TACC2: variants seen among roughly 807,000 people sequenced by gnomAD.
The protein encoded by TACC2 is transforming acidic coiled-coil containing protein 2.
Under a neutral mutation model 227.3 loss-of-function variants are expected in TACC2, and 137 were observed. That is an observed-to-expected ratio of 0.60 (90% CI 0.52 to 0.69). The LOEUF (loss-of-function observed/expected upper bound fraction) is 0.69, where lower values mean the gene tolerates loss of function less well. Ranked by LOEUF, TACC2 falls within the 30% of genes least tolerant of loss-of-function variation. The pLI is 0.00. For synonymous variants in TACC2, 1,523 were observed against 1,487.5 expected (o/e 1.02, Z -0.55); for missense variants, 3,470 against 3,694.4 (o/e 0.94, Z 1.57).
chr10:122,020,424 C>G (rs752546829), intron 1 of TACC2, among the ~76,000 whole-genome samples: 6 of 151,950 alleles, frequency 3.9e-5, no homozygotes, highest in Non-Finnish European at 7.4e-5. Context: ...GCTGTGGTGA[C>G]GTCACTCAGT....
In TACC2 at chr10:122,241,748, C is replaced by T. The variant is rs866573044; in HGVS notation, c.8349-210C>T. On this transcript the variant is annotated intron_variant, in intron 18 of 22. Transcript: ENST00000369005. ...TGGTTTGATTTTTTTTCTTAGTGGG[C>T]AGTGAGGGATGTTGAAGGCTTTGCA... 21 of 593,504 alleles carry T rather than the reference C, an allele frequency of 3.5e-5. No homozygotes were observed. In the Middle Eastern group the frequency reaches 4.4e-3, roughly 125 times the overall value. The allele number at this position is 593,504 out of a possible 1,614,324, so 36.8% of individuals were successfully genotyped here.
At chr10:122,108,541 G>A (rs1490855743) in intron 5 of TACC2, among the ~76,000 whole-genome samples, 1 of 148,698 alleles carries the variant, frequency 6.7e-6, no homozygotes, top group East Asian at 2.0e-4. Flanking sequence ...TGCCTCCCAG[G>A]TTCAAGTGAT....
intron 5 of TACC2, among the ~76,000 whole-genome samples, chr10:122,091,457 A>G (rs1231748783): frequency 6.6e-6 from 1 of 152,172 alleles, no homozygotes; most frequent in Non-Finnish European, 1.5e-5. Flanking sequence ...TTCTATTTGG[A>G]TCACTTGCCC....
At position 122,233,616 on chromosome 10, in the gene TACC2, C is replaced by T. The variant is rs1309915057; in HGVS notation, c.8127+3176C>T. On this transcript the variant is annotated intron_variant, in intron 16 of 22. Coordinates refer to ENST00000369005, the MANE Select transcript of TACC2 (RefSeq NM_206862.4). ...TGTTTCCCTCTCCATTGCTGTGTCA[C>T]AGACTACCCCCACCCATACACACAC... 4.6e-5 allele frequency among the ~76,000 whole-genome samples: 7 copies of T among 152,178 alleles called. No individual in the cohort carries two copies. The East Asian group carries it at 1.3e-3, about 29-fold the overall frequency.
At chr10:122,251,587 C>T (rs1251587978) in intron 22 of TACC2, among the ~76,000 whole-genome samples, 2 of 152,152 alleles carry the variant, frequency 1.3e-5, no homozygotes, top group Non-Finnish European at 2.9e-5. Context: ...GTGGTCCCAG[C>T]TATTCGGGAG....
intron 6 of TACC2, among the ~76,000 whole-genome samples, chr10:122,135,532 A>T (rs1317283681): frequency 6.6e-6 from 1 of 152,196 alleles, no homozygotes; most frequent in Non-Finnish European, 1.5e-5. Flanking sequence ...GGTGTTACTG[A>T]ACATTTATCC....
intron 3 of TACC2, among the ~76,000 whole-genome samples, chr10:122,080,310 G>T (rs1041469778): frequency 2.0e-5 from 3 of 148,814 alleles, no homozygotes; most frequent in Admixed American, 6.8e-5. Context: ...TCAGCTCACT[G>T]CAGCCTCAAC....
intron 11 of TACC2, among the ~76,000 whole-genome samples, chr10:122,218,014 G>A (rs551748873): frequency 2.0e-5 from 3 of 151,954 alleles, no homozygotes; most frequent in South Asian, 4.2e-4. Context: ...ATGTGATCTC[G>A]GCTCACTGCA....
intron 3 of TACC2, among the ~76,000 whole-genome samples, chr10:122,052,906 C>T (rs2075860379): frequency 2.0e-5 from 3 of 152,310 alleles, no homozygotes; most frequent in East Asian, 3.9e-4. Context: ...CTCCTGTGTG[C>T]GGTTTCAGTG....
rs1250192833 is a variant in TACC2, at chr10:122,005,382, C to CTTTTTT, written c.-46+15905_-46+15910dup. On this transcript the variant is annotated intron_variant, in intron 1 of 22. Coordinates refer to ENST00000369005, the MANE Select transcript of TACC2 (RefSeq NM_206862.4). The stretch of plus-strand genomic sequence containing the variant: ...TACAGGTGTGAGCCACCACGCCCAG[C>CTTTTTT]TTTTTTTTTTTTTTTTGAGACAGAG... Among the ~76,000 whole-genome samples, 5 of 119,208 alleles carry CTTTTTT rather than the reference C, an allele frequency of 4.2e-5. 1 individual carries two copies. The highest frequency in any genetic ancestry group is 8.8e-5 in the Admixed American group (1 of 11,360). 78.2% of individuals were successfully genotyped at this position (119,208 alleles called of 152,430 possible). A position where few individuals can be genotyped will look rare whatever the true frequency, so the allele number is the denominator to read the frequency against.
intron 5 of TACC2, among the ~76,000 whole-genome samples, chr10:122,108,568 C>T (rs1205238829): frequency 1.3e-5 from 2 of 149,824 alleles, no homozygotes; most frequent in Non-Finnish European, 3.0e-5. Context: ...ACCTCAGCCT[C>T]CTGAGTAGCT....
chr10:122,237,858 C>A, intron 17 of TACC2, 103 bp from the exon 18 acceptor site: 1 of 872,274 alleles, frequency 1.1e-6, no homozygotes, highest in Non-Finnish European at 1.8e-6. Flanking sequence ...AGGAAGTTTT[C>A]ATTCCACATT....
At chr10:122,187,099 C>T (rs192808973) in intron 7 of TACC2, among the ~76,000 whole-genome samples, 41 of 152,240 alleles carry the variant, frequency 2.7e-4, no homozygotes, top group Admixed American at 1.5e-3. Flanking sequence ...TTCTCTTTTG[C>T]GAGGAACCTG....
chr10:122,152,486 T>C (rs1352271312), intron 7 of TACC2, among the ~76,000 whole-genome samples: 1 of 152,204 alleles, frequency 6.6e-6, no homozygotes, highest in Non-Finnish European at 1.5e-5. Flanking sequence ...ACTAACCCCA[T>C]ATGTGTCCAC....
At chr10:122,098,060 G>A (rs1565297663) in intron 5 of TACC2, among the ~76,000 whole-genome samples, 1 of 152,190 alleles carries the variant, frequency 6.6e-6, no homozygotes, top group Non-Finnish European at 1.5e-5. Context: ...GTAGGTTGAT[G>A]TGGGGCAGGT....
chr10:122,160,537 G>GT (rs1249541658), intron 7 of TACC2, among the ~76,000 whole-genome samples: 5 of 117,890 alleles, frequency 4.2e-5, no homozygotes, highest in Admixed American at 8.0e-5. Context: ...AAGTGTGTGT[G>GT]TGGGGGGGGT....
intron 3 of TACC2, among the ~76,000 whole-genome samples, chr10:122,070,768 A>G (rs1164662826): frequency 1.3e-5 from 2 of 151,152 alleles, no homozygotes; most frequent in Non-Finnish European, 1.5e-5. Flanking sequence ...AAAAAAAAAA[A>G]AAAGAAATTA....
At chr10:122,112,043 C>A (rs1461876176) in intron 5 of TACC2, among the ~76,000 whole-genome samples, 1 of 152,168 alleles carries the variant, frequency 6.6e-6, no homozygotes, top group African/African-American at 2.4e-5. Context: ...AGAGAATCCT[C>A]ATTAGGGGCT....
At chr10:122,195,204 C>T (rs2094525954) in intron 8 of TACC2, 28 bp downstream of exon 8, 3 of 1,592,960 alleles carry the variant, frequency 1.9e-6, no homozygotes, top group Non-Finnish European at 2.6e-6. Context: ...GGCCCCCAGA[C>T]AGCCCTGTAG....
Sources: allele counts gnomAD v4.1 joint callset (sites outside exome capture counted in the v4.1 genomes callset), GRCh38; gene constraint gnomAD v4.1.1; transcripts MANE v1.5; gene names NCBI Gene and HGNC (gene_info 2026-07-23, HGNC 2026-07-21).